The following ARHGAP32 variants were observed in gnomAD, a reference collection of about 807,000 sequenced individuals.
ARHGAP32 encodes the protein Rho GTPase activating protein 32.
A neutral mutation model predicts 186.5 loss-of-function variants in ARHGAP32; 51 were observed. That is an observed-to-expected ratio of 0.27 (90% CI 0.22 to 0.35). ARHGAP32 has a LOEUF of 0.35. ARHGAP32 is among the 10% of genes least tolerant of loss of function. The pLI is 1.00. For missense variants in ARHGAP32, 2,186 were observed against 2,623.5 expected (o/e 0.83, Z 3.64); for synonymous variants, 950 against 964.3 (o/e 0.99, Z 0.27).
At chr11:129,002,153 G>C (rs908770715) in intron 11 of ARHGAP32, among the ~76,000 whole-genome samples, 19 of 152,010 alleles carry the variant, frequency 1.2e-4, no homozygotes, top group African/African-American at 4.6e-4. Flanking sequence ...TATTTTGATA[G>C]GAATTGCACT....
rs1157354480 is a variant in ARHGAP32 at position 129,129,169 on chromosome 11, A to G, written c.226-4275T>C. ...CTCTGCCCGGCCGCCCCGTCTGAGA[A>G]GTGAGGAGCCCCTCCGCCCGGCAGC... On this transcript the variant is annotated intron_variant, in intron 2 of 22. Coordinates refer to ENST00000682385, the MANE Select transcript of ARHGAP32 (RefSeq NM_001378024.1). 1.5e-4 allele frequency among the ~76,000 whole-genome samples: 22 copies of G among 146,678 alleles called. 2 individuals are homozygous for G. Among genetic ancestry groups the G allele is most frequent in the African/African-American group, 5.4e-4 (21 of 39,180 alleles).
chr11:129,122,336 A>T (rs1254286984), intron 5 of ARHGAP32, among the ~76,000 whole-genome samples: 1 of 150,160 alleles, frequency 6.7e-6, no homozygotes, highest in African/African-American at 2.4e-5. Context: ...GTAAAGATTA[A>T]AAAAAAAAGC....
In ARHGAP32 at chr11:129,064,931, C is replaced by A; in HGVS notation, c.672G>T (p.Ser224=). 2 of 1,581,944 alleles carry A rather than the reference C, an allele frequency of 1.3e-6. No individual in the cohort carries two copies. Among genetic ancestry groups the A allele is most frequent in the South Asian group, 1.2e-5 (1 of 86,010 alleles). The change falls in exon 8 of 23, where the codon TCG becomes TCT. Residue 224 remains serine, a splice_region_variant and synonymous_variant. Coordinates refer to ENST00000682385, the MANE Select transcript of ARHGAP32 (RefSeq NM_001378024.1). ...GGTAAGCCATAAGCATCTGAGTGAC[C>A]GACTGAAAAGAAAAAGATCAGTGTA... ...RSDTLKDSPE[S]VTQMLMAYLS...
At chr11:128,991,329 A>C (rs1049608548) in intron 12 of ARHGAP32, among the ~76,000 whole-genome samples, 1 of 152,186 alleles carries the variant, frequency 6.6e-6, no homozygotes, top group South Asian at 2.1e-4. Flanking sequence ...ATAAAATTAC[A>C]TAACTATTAC....
intron 5 of ARHGAP32, among the ~76,000 whole-genome samples, chr11:129,107,868 C>CAAAAAAAAAA (rs71057924): frequency 3.2e-5 from 3 of 93,406 alleles, no homozygotes; most frequent in Non-Finnish European, 6.2e-5. Flanking sequence ...AACTATGTTT[C>CAAAAAAAAAA]AAAAAAAAAA....
At chr11:129,227,195 A>T (rs538641116) in intron 1 of ARHGAP32, among the ~76,000 whole-genome samples, 8 of 152,050 alleles carry the variant, frequency 5.3e-5, no homozygotes, top group Non-Finnish European at 8.8e-5. Flanking sequence ...TTCAAACTAG[A>T]GTGTTATAAA....
At chr11:129,258,012 C>T (rs1945276767) in intron 1 of ARHGAP32, among the ~76,000 whole-genome samples, 1 of 151,982 alleles carries the variant, frequency 6.6e-6, no homozygotes, top group Non-Finnish European at 1.5e-5. Flanking sequence ...TAAAACATGT[C>T]AATAAAATGA....
rs535197984 is a variant in ARHGAP32, at chr11:129,185,682, TAA to T, written c.116+6399_116+6400del. ...AACTGACGGAGGCAGAATGGGTGAATAAAAGAGTTTCAAAAGTCTCATCTAGA... is the reference window on the plus strand; with the variant it reads ...AACTGACGGAGGCAGAATGGGTGAATAAGAGTTTCAAAAGTCTCATCTAGA... On this transcript the variant is annotated intron_variant, in intron 1 of 22. Coordinates refer to ENST00000682385, the MANE Select transcript of ARHGAP32 (RefSeq NM_001378024.1). Among the ~76,000 whole-genome samples, 663 of 152,100 alleles carry T rather than the reference TAA, an allele frequency of 4.4e-3. 12 individuals are homozygous for T. Among genetic ancestry groups the T allele is most frequent in the Non-Finnish European group, 7.0e-3 (479 of 67,956 alleles).
chr11:129,247,164 C>T (rs191102877), intron 1 of ARHGAP32, among the ~76,000 whole-genome samples: 1 of 152,254 alleles, frequency 6.6e-6, no homozygotes, highest in African/African-American at 2.4e-5. Context: ...AATGCTTATT[C>T]CACAATTCTC....
At chr11:129,182,292 C>G (rs1418558203) in intron 1 of ARHGAP32, among the ~76,000 whole-genome samples, 1 of 151,942 alleles carries the variant, frequency 6.6e-6, no homozygotes, top group Non-Finnish European at 1.5e-5. Context: ...AAATTTTCTA[C>G]AGTAAAAAAA....
intron 1 of ARHGAP32, among the ~76,000 whole-genome samples, chr11:129,174,366 G>A (rs1323342765): frequency 6.6e-6 from 1 of 152,180 alleles, no homozygotes; most frequent in African/African-American, 2.4e-5. Flanking sequence ...GGCTCGGGGA[G>A]GGGCGCCCAC....
chr11:129,207,246 A>G (rs935169268), intron 1 of ARHGAP32, among the ~76,000 whole-genome samples: 2 of 152,134 alleles, frequency 1.3e-5, no homozygotes, highest in Non-Finnish European at 2.9e-5. Flanking sequence ...TCCTTTGGGT[A>G]TATACCCAAT....
chr11:129,269,978 T>C (rs1424225084), intron 1 of ARHGAP32, among the ~76,000 whole-genome samples: 1 of 152,024 alleles, frequency 6.6e-6, no homozygotes, highest in African/African-American at 2.4e-5. Flanking sequence ...AAACTAAACT[T>C]ATTCTTAACA....
chr11:129,193,715 T>TA (rs1944347536), upstream of ARHGAP32, among the ~76,000 whole-genome samples: 1 of 44,694 alleles, frequency 2.2e-5, no homozygotes, highest in African/African-American at 7.7e-5. Context: ...ATATATTATA[T>TA]ATTATATATT....
intron 12 of ARHGAP32, chr11:128,993,135 TAG>T (rs1946106166): frequency 6.6e-6 from 1 of 152,186 alleles, no homozygotes; most frequent in African/African-American, 2.4e-5. Context: ...CTCAGAAGTT[TAG>T]AAAGTATAAT....
chr11:129,273,845 T>C (rs1168206500), intron 1 of ARHGAP32, among the ~76,000 whole-genome samples: 1 of 152,204 alleles, frequency 6.6e-6, no homozygotes, highest in African/African-American at 2.4e-5. Flanking sequence ...GATTCTCTCC[T>C]AGAGTATGAT....
intron 21 of ARHGAP32, 73 bp from the exon 22 acceptor site, chr11:128,973,505 T>C: frequency 1.3e-6 from 2 of 1,499,666 alleles, no homozygotes; most frequent in Non-Finnish European, 1.8e-6. Context: ...AGCCAAACAC[T>C]CCCCATGTGA....
chr11:129,121,915 C>T (rs1252957955), intron 5 of ARHGAP32, among the ~76,000 whole-genome samples: 2 of 151,988 alleles, frequency 1.3e-5, no homozygotes, highest in Non-Finnish European at 2.9e-5. Context: ...ACTGTCTATT[C>T]CCTACCCACA....
intron 1 of ARHGAP32, among the ~76,000 whole-genome samples, chr11:129,208,322 A>C (rs929986080): frequency 6.6e-6 from 1 of 152,198 alleles, no homozygotes; most frequent in Non-Finnish European, 1.5e-5. Flanking sequence ...CAGAAAACAC[A>C]GATTCATGAG....
Sources: allele counts gnomAD v4.1 joint callset (sites outside exome capture counted in the v4.1 genomes callset), GRCh38; gene constraint gnomAD v4.1.1; transcripts MANE v1.5; gene names NCBI Gene and HGNC (gene_info 2026-07-23, HGNC 2026-07-21).